Variants in MYB observed in about 807,000 individuals in gnomAD.
MYB encodes MYB proto-oncogene, transcription factor.
Under a neutral mutation model 92.9 loss-of-function variants are expected in MYB, and 28 were observed. That is an observed-to-expected ratio of 0.30 (90% confidence interval 0.22 to 0.41). The LOEUF (loss-of-function observed/expected upper bound fraction) is 0.41. MYB is among the 10% of genes least tolerant of loss of function. The pLI is 1.00. For synonymous variants in MYB, 295 were observed against 329.1 expected (o/e 0.90, Z 1.12); for missense variants, 679 against 929.3 (o/e 0.73, Z 3.50).
intron 15 of MYB, among the ~76,000 whole-genome samples, chr6:135,204,381 C>T (rs1778572854): frequency 6.6e-6 from 1 of 152,160 alleles, no homozygotes; most frequent in African/African-American, 2.4e-5. Context: ...TCACTGCAAC[C>T]TCCGCCTCCC....
intron 15 of MYB, among the ~76,000 whole-genome samples, chr6:135,215,105 TG>T (rs1268846410): frequency 6.6e-6 from 1 of 152,136 alleles, no homozygotes; most frequent in African/African-American, 2.4e-5. Context: ...TTGACATCAG[TG>T]GGGAGATGGC....
intron 1 of MYB, among the ~76,000 whole-genome samples, chr6:135,184,173 A>G (rs935152273): frequency 1.3e-5 from 2 of 152,280 alleles, no homozygotes; most frequent in Admixed American, 6.5e-5. Context: ...TGAAAAGTTA[A>G]TTCGACTTGA....
chr6:135,191,520 CT>C (rs1326299418), intron 5 of MYB, among the ~76,000 whole-genome samples: 1 of 152,170 alleles, frequency 6.6e-6, no homozygotes, highest in Non-Finnish European at 1.5e-5. Context: ...AAAAAAAGGC[CT>C]TTCCTCCCAT....
chr6:135,198,789 T>C (rs1777676993), intron 10 of MYB, 119 bp from the exon 11 acceptor site: 2 of 758,780 alleles, frequency 2.6e-6, no homozygotes, highest in East Asian at 5.5e-5. Context: ...GTTAGCATCT[T>C]TATTATTTAA....
At chr6:135,196,678 A>G in intron 9 of MYB, 2 of 1,244,728 alleles carry the variant, frequency 1.6e-6, no homozygotes, top group Non-Finnish European at 2.2e-6. Context: ...CCATTGCCGT[A>G]ATATGCCATC....
intron 9 of MYB, among the ~76,000 whole-genome samples, chr6:135,196,257 C>T (rs1442190397): frequency 6.6e-6 from 1 of 151,698 alleles, no homozygotes; most frequent in Non-Finnish European, 1.5e-5. Context: ...CATTTTCACA[C>T]TTTTCCTTCA....
At chr6:135,207,088 G>A (rs1265786806) in intron 15 of MYB, among the ~76,000 whole-genome samples, 2 of 152,012 alleles carry the variant, frequency 1.3e-5, no homozygotes, top group Non-Finnish European at 2.9e-5. Context: ...AATCCAATTT[G>A]ACCTAATTAG....
chr6:135,188,488 C>CT, intron 3 of MYB, among the ~76,000 whole-genome samples: 1 of 145,866 alleles, frequency 6.9e-6, no homozygotes, highest in African/African-American at 2.5e-5. Flanking sequence ...TTCCATTTTT[C>CT]TTTCTTTTTT....
chr6:135,196,116 A>G, intron 9 of MYB, 114 bp downstream of exon 9: 1 of 1,082,906 alleles, frequency 9.2e-7, no homozygotes, highest in Non-Finnish European at 1.3e-6. Context: ...TATTAATGTA[A>G]AGGTAGAAGT....
Position 135,217,991 on chromosome 6 carries a change from G to A in MYB, c.*11G>A, listed in dbSNP as rs1387237273. 2 of 1,569,230 alleles carry A rather than the reference G, an allele frequency of 1.3e-6. No homozygotes were observed. The highest frequency in any genetic ancestry group is 1.8e-6 in the Non-Finnish European group (2 of 1,139,170). The stretch of plus-strand genomic sequence containing the variant: ...ACGCTGGTCATGTGAGACATTTCCA[G>A]AAAAGCATTATGGTTTTCAGAACAC... On this transcript the variant is annotated 3_prime_UTR_variant, in exon 16 of 16. Coordinates refer to ENST00000341911, the MANE Select transcript of MYB (RefSeq NM_001130173.2).
At chr6:135,184,127 A>G (rs1048047575) in intron 1 of MYB, among the ~76,000 whole-genome samples, 5 of 152,136 alleles carry the variant, frequency 3.3e-5, no homozygotes, top group Admixed American at 1.3e-4. Context: ...AAATGTGCTC[A>G]GTTCTGAAAA....
At position 135,198,938 on chromosome 6, in the gene MYB, T is replaced by C. The variant is rs771502816; in HGVS notation, c.1597T>C (p.Ser533Pro). The change falls in exon 11 of 16, where the codon TCA becomes CCA. Residue 533 changes from serine to proline, a missense_variant. Around this residue, in one of 8 missense-constraint regions of MYB, gnomAD observed 402 missense variants for 434.2 expected, o/e 0.93. Transcript: ENST00000341911. ...FLNTSSNHEN[S>P]DLEMPSLTST... ...AAACACTTCCAGTAACCATGAAAAC[T>C]CAGACTTGGAAATGCCTTCTTTAAC... 1.9e-6 allele frequency: 3 copies of C among 1,610,852 alleles called. No homozygotes were observed. The South Asian group carries it at 3.3e-5, about 18-fold the overall frequency.
chr6:135,195,824 G>A lies in MYB; in HGVS notation c.1025G>A (p.Ser342Asn), dbSNP rs1394961307. The A allele has an allele frequency of 6.8e-6, 11 of 1,614,134 alleles. No individual in the cohort carries two copies. Among genetic ancestry groups the A allele is most frequent in the Non-Finnish European group, 9.3e-6 (11 of 1,180,030 alleles). The change falls in exon 9 of 16, where the codon AGT becomes AAT. Residue 342 changes from serine to asparagine, a missense_variant. By Grantham distance (46) the Ser-to-Asn change is conservative. Transcript: ENST00000341911. ...GACCACACCAGACCTCATGGAGACA[G>A]TGCACCTGTTTCCTGTTTGGGAGAA... ...IADHTRPHGD[S>N]APVSCLGEHH...
At chr6:135,187,489 G>A (rs556555042) in intron 2 of MYB, among the ~76,000 whole-genome samples, 1 of 152,288 alleles carries the variant, frequency 6.6e-6, no homozygotes, top group South Asian at 2.1e-4. Flanking sequence ...ATTGCCTCAT[G>A]TAATCCCCAA....
intron 15 of MYB, among the ~76,000 whole-genome samples, chr6:135,207,083 A>T (rs1362239764): frequency 4.6e-5 from 7 of 152,190 alleles, no homozygotes; most frequent in African/African-American, 1.7e-4. Context: ...TTGATAATCC[A>T]ATTTGACCTA....
intron 8 of MYB, chr6:135,195,355 C>CGCCGTA: frequency 1.3e-5 from 2 of 155,928 alleles, no homozygotes; most frequent in South Asian, 1.2e-4. Flanking sequence ...CTCCTGAGTC[C>CGCCGTA]TCTAGCTTTT....
intron 15 of MYB, among the ~76,000 whole-genome samples, chr6:135,217,476 A>G (rs1469315377): frequency 6.6e-6 from 1 of 152,218 alleles, no homozygotes; most frequent in Admixed American, 6.5e-5. Flanking sequence ...CAGTGCGTGC[A>G]TGAGCTGCTT....
At chr6:135,203,498 A>G (rs1040992601) in intron 15 of MYB, 174 bp downstream of exon 15, 30 of 675,782 alleles carry the variant, frequency 4.4e-5, no homozygotes, top group Admixed American at 1.8e-4. Flanking sequence ...GAAAAATCCA[A>G]TAATTCCTTT....
chr6:135,183,316 C>T (rs1010696395), intron 1 of MYB, among the ~76,000 whole-genome samples: 1 of 152,158 alleles, frequency 6.6e-6, no homozygotes, highest in Non-Finnish European at 1.5e-5. Context: ...AGTTTGAACC[C>T]CTCCGAATCA....
Sources: allele counts gnomAD v4.1 joint callset (sites outside exome capture counted in the v4.1 genomes callset), GRCh38; gene constraint gnomAD v4.1.1; regional missense constraint gnomAD v4.1.1; transcripts MANE v1.5; gene names NCBI Gene and HGNC (gene_info 2026-07-23, HGNC 2026-07-21).